LINGO2: variants seen among roughly 807,000 people sequenced by gnomAD.
LINGO2 encodes leucine rich repeat and Ig domain containing 2, also known as leucine-rich repeat and immunoglobulin-like domain-containing nogo receptor-interacting protein 2.
Under a neutral mutation model 30.6 loss-of-function variants are expected in LINGO2, and 14 were observed. That is an observed-to-expected ratio of 0.46 (90% CI 0.30 to 0.72). LINGO2 has a LOEUF of 0.72. LINGO2 is among the 30% of genes least tolerant of loss of function. The pLI, the probability that LINGO2 is intolerant of heterozygous loss-of-function variation, is 0.07. For synonymous variants in LINGO2, 317 were observed against 288.5 expected (o/e 1.10, Z -1.00); for missense variants, 729 against 751.7 (o/e 0.97, Z 0.35).
the LINGO2 span, among the ~76,000 whole-genome samples, chr9:28,718,210 GT>G: frequency 6.6e-6 from 1 of 151,670 alleles, no homozygotes; most frequent in Non-Finnish European, 1.5e-5. Flanking sequence ...GAGACTTTAG[GT>G]TTAATACCAG....
the LINGO2 span, among the ~76,000 whole-genome samples, chr9:28,922,820 C>G: frequency 1.3e-5 from 2 of 152,080 alleles, no homozygotes; most frequent in Non-Finnish European, 2.9e-5. Context: ...TCTTAATAAC[C>G]AGAAGCTGCG....
At chr9:28,331,895 G>T (rs1355502412) in intron 3 of LINGO2, among the ~76,000 whole-genome samples, 1 of 152,106 alleles carries the variant, frequency 6.6e-6, no homozygotes, top group African/African-American at 2.4e-5. Flanking sequence ...GATGTGGTGG[G>T]CGCATCTAAA....
the LINGO2 span, among the ~76,000 whole-genome samples, chr9:28,711,801 A>G: frequency 2.0e-5 from 3 of 152,270 alleles, no homozygotes; most frequent in South Asian, 6.2e-4. Flanking sequence ...CCAATTAATC[A>G]AACACATTTA....
intron 4 of LINGO2, among the ~76,000 whole-genome samples, chr9:28,206,746 GA>G (rs1282363749): frequency 6.6e-6 from 1 of 152,118 alleles, no homozygotes; most frequent in Non-Finnish European, 1.5e-5. Context: ...TTTATAATCT[GA>G]AGCATTACTA....
At chr9:28,843,303 T>C in the LINGO2 span, among the ~76,000 whole-genome samples, 2 of 151,704 alleles carry the variant, frequency 1.3e-5, no homozygotes, top group African/African-American at 4.9e-5. Flanking sequence ...GTAAAGGCTA[T>C]ATTTTAAAAG....
intron 4 of LINGO2, among the ~76,000 whole-genome samples, chr9:28,032,353 G>C (rs933868231): frequency 2.6e-5 from 4 of 152,132 alleles, no homozygotes; most frequent in East Asian, 1.9e-4. Context: ...CAGTCTCCAG[G>C]GCTATAGGAA....
intron 1 of LINGO2, among the ~76,000 whole-genome samples, chr9:28,540,669 A>G (rs1404965430): frequency 6.6e-6 from 1 of 152,202 alleles, no homozygotes; most frequent in African/African-American, 2.4e-5. Flanking sequence ...TTAATAAAGG[A>G]ATGATCTTAG....
At chr9:28,558,043 G>A (rs1408057681) in intron 1 of LINGO2, among the ~76,000 whole-genome samples, 1 of 150,274 alleles carries the variant, frequency 6.7e-6, no homozygotes, top group South Asian at 2.1e-4. Context: ...TATACCTAAT[G>A]CTAGATGACG....
chr9:28,467,160 G>C (rs541382171), intron 2 of LINGO2, among the ~76,000 whole-genome samples: 1 of 152,056 alleles, frequency 6.6e-6, no homozygotes, highest in African/African-American at 2.4e-5. Flanking sequence ...CGAGTAGCTG[G>C]GATTACAGGT....
In LINGO2 at chr9:28,525,943, C is replaced by T. The variant is rs564987244; in HGVS notation, c.-364-49918G>A. ...TGGTGGCGGGCGCTTGCAGTCCCAG[C>T]TACTCGGGAGACTGAGGCAGAAGAA... On this transcript the variant is annotated intron_variant, in intron 1 of 5. Coordinates refer to ENST00000379992, the Ensembl canonical transcript of LINGO2. Among the ~76,000 whole-genome samples the T allele has an allele frequency of 3.3e-5, 5 of 150,218 alleles. No individual in the cohort carries two copies. The East Asian group carries it at 9.9e-4, about 30-fold the overall frequency.
the LINGO2 span, among the ~76,000 whole-genome samples, chr9:28,979,957 G>A: frequency 1.3e-5 from 2 of 152,056 alleles, no homozygotes; most frequent in Non-Finnish European, 2.9e-5. Context: ...GTTTTATGAT[G>A]TATAGCCAAC....
At chr9:28,095,785 G>A (rs954426014) in intron 4 of LINGO2, among the ~76,000 whole-genome samples, 2 of 152,070 alleles carry the variant, frequency 1.3e-5, no homozygotes, top group Non-Finnish European at 1.5e-5. Context: ...CCTACAAAAC[G>A]GGAGAAAATT....
At chr9:28,567,476 C>A (rs1823441148) in intron 1 of LINGO2, among the ~76,000 whole-genome samples, 2 of 152,066 alleles carry the variant, frequency 1.3e-5, no homozygotes, top group South Asian at 2.1e-4. Context: ...TAGAAAAAAA[C>A]AAAATCATGC....
the LINGO2 span, among the ~76,000 whole-genome samples, chr9:29,169,612 T>A: frequency 0.046 from 7,059 of 152,250 alleles, 240 homozygotes; most frequent in Admixed American, 0.082. Context: ...ATGGCTATTA[T>A]TAAAAAGTCA....
At chr9:29,185,602 T>C in the LINGO2 span, among the ~76,000 whole-genome samples, 1 of 152,212 alleles carries the variant, frequency 6.6e-6, no homozygotes, top group Non-Finnish European at 1.5e-5. Context: ...GTCATTTGTA[T>C]AATCTCTCCT....
chr9:28,641,548 A>G (rs1337520006), intron 1 of LINGO2, among the ~76,000 whole-genome samples: 1 of 152,182 alleles, frequency 6.6e-6, no homozygotes, highest in Non-Finnish European at 1.5e-5. Context: ...GAGACCCAAC[A>G]TAGATTGAGC....
chr9:28,336,168 G>A (rs1825582745), intron 3 of LINGO2, among the ~76,000 whole-genome samples: 1 of 151,952 alleles, frequency 6.6e-6, no homozygotes, highest in Non-Finnish European at 1.5e-5. Context: ...AATTTGCATT[G>A]CTCTAAATGG....
chr9:28,782,528 TTAAC>T, the LINGO2 span, among the ~76,000 whole-genome samples: 1 of 152,180 alleles, frequency 6.6e-6, no homozygotes, highest in Admixed American at 6.5e-5. Flanking sequence ...ATGTGCCACA[TTAAC>T]TATGTGTTGT....
the LINGO2 span, among the ~76,000 whole-genome samples, chr9:29,003,480 T>C: frequency 6.6e-6 from 1 of 151,662 alleles, no homozygotes; most frequent in African/African-American, 2.4e-5. Context: ...GAGGACTGAA[T>C]GGGGGAGAGC....
Sources: gnomAD v4.1 joint callset for allele counts (sites outside exome capture counted in the v4.1 genomes callset) on GRCh38, gnomAD v4.1.1 for gene constraint, MANE v1.5 for transcripts, NCBI Gene and HGNC (gene_info 2026-07-23, HGNC 2026-07-21) for gene names.